FBXW8: variants seen among roughly 807,000 people sequenced by gnomAD.
FBXW8 encodes F-box and WD repeat domain containing 8, also known as F-box/WD repeat-containing protein 8.
A neutral mutation model predicts 65.3 loss-of-function variants in FBXW8; 57 were observed. The observed-to-expected ratio is 0.87, with a 90% CI of 0.71 to 1.09. FBXW8 has a LOEUF of 1.09. FBXW8 is among the 50% of genes least tolerant of loss of function. The pLI, the probability that FBXW8 is intolerant of heterozygous loss-of-function variation, is 0.00. For missense variants in FBXW8, 777 were observed against 814.8 expected (o/e 0.95, Z 0.57); for synonymous variants, 308 against 330.2 (o/e 0.93, Z 0.73).
intron 5 of FBXW8, among the ~76,000 whole-genome samples, chr12:116,972,018 G>T (rs1394189319): frequency 2.0e-5 from 3 of 152,218 alleles, no homozygotes; most frequent in African/African-American, 7.2e-5. Context: ...GAAGTTACTA[G>T]TGAAAGTAAA....
At chr12:117,024,777 C>T (rs60940473) in intron 9 of FBXW8, among the ~76,000 whole-genome samples, 24,695 of 152,004 alleles carry the variant, frequency 0.16, 2,305 homozygotes, top group African/African-American at 0.26. Context: ...CACTCGAGTC[C>T]GTCATGTGTA....
At chr12:116,913,054 G>A (rs1238879585) in intron 1 of FBXW8, among the ~76,000 whole-genome samples, 1 of 152,122 alleles carries the variant, frequency 6.6e-6, no homozygotes, top group Non-Finnish European at 1.5e-5. Context: ...GTTTCACCAC[G>A]TGAACTTGAG....
chr12:116,964,569 G>A (rs1884192539), intron 4 of FBXW8, 128 bp from the exon 5 acceptor site: 2 of 1,000,994 alleles, frequency 2.0e-6, no homozygotes, highest in Admixed American at 1.9e-5. Flanking sequence ...CATCTAAACA[G>A]TGCCTCAGCA....
intron 2 of FBXW8, among the ~76,000 whole-genome samples, chr12:116,933,628 A>G (rs958110851): frequency 6.6e-6 from 1 of 152,240 alleles, no homozygotes; most frequent in Non-Finnish European, 1.5e-5. Context: ...TAGAGCACAT[A>G]TATAAGAATA....
At chr12:116,994,145 TG>T (rs1413133581) in intron 7 of FBXW8, among the ~76,000 whole-genome samples, 2 of 152,218 alleles carry the variant, frequency 1.3e-5, no homozygotes, top group African/African-American at 4.8e-5. Flanking sequence ...AAAAACAGCA[TG>T]GTACTGGTGG....
chr12:116,915,194 A>G (rs1455093326), intron 1 of FBXW8, among the ~76,000 whole-genome samples: 2 of 152,240 alleles, frequency 1.3e-5, no homozygotes, highest in African/African-American at 4.8e-5. Flanking sequence ...GGGCTAAGGC[A>G]GGTAATGCAC....
intron 7 of FBXW8, among the ~76,000 whole-genome samples, chr12:116,992,345 G>A (rs978544779): frequency 1.3e-5 from 2 of 151,794 alleles, no homozygotes; most frequent in Non-Finnish European, 2.9e-5. Context: ...TTTGCCAGCA[G>A]TGTTATGGGC....
chr12:116,928,093 A>G lies in FBXW8; in HGVS notation c.389A>G (p.Tyr130Cys), dbSNP rs111466325. 6.2e-7 allele frequency: 1 copy of G among 1,611,884 alleles called. No individual in the cohort carries two copies. The highest frequency in any genetic ancestry group is 8.5e-7 in the Non-Finnish European group (1 of 1,178,996). ...GAATTGGCAATCAATATATTTCAGT[A>G]TCTGGACAGGAAAGAACTAGGAAGA... ...PYELAINIFQ[Y>C]LDRKELGRCA... The change falls in exon 2 of 11, where the codon TAT (tyrosine) becomes TGT (cysteine). Residue 130 changes from tyrosine to cysteine, a missense_variant. Coordinates refer to ENST00000652555, the MANE Select transcript of FBXW8 (RefSeq NM_153348.3).
At chr12:116,946,331 C>T (rs907149382) in intron 3 of FBXW8, among the ~76,000 whole-genome samples, 3 of 152,168 alleles carry the variant, frequency 2.0e-5, no homozygotes, top group Non-Finnish European at 2.9e-5. Context: ...GTGACCAATA[C>T]GCTTGATCTG....
In FBXW8 at chr12:116,988,857, C is replaced by T. The variant is rs373653320; in HGVS notation, c.1227C>T (p.Tyr409=). 224 of 1,613,524 alleles carry T rather than the reference C, an allele frequency of 1.4e-4. 1 individual carries two copies. Among genetic ancestry groups the T allele is most frequent in the Admixed American group, 3.0e-4 (18 of 59,960 alleles). ...GTGTACAGGGTCTGGGATGGGTGTA[C>T]GAAGGAAGCAAGGTACACAACTAGC... ...AFGVQGLGWV[Y]EGSKILVYSL... The change falls in exon 7 of 11, where the codon TAC becomes TAT. Residue 409 remains tyrosine (Y), a synonymous_variant. Coordinates refer to ENST00000652555, the MANE Select transcript of FBXW8 (RefSeq NM_153348.3).
chr12:116,992,404 T>C (rs1045581996), intron 7 of FBXW8, among the ~76,000 whole-genome samples: 4 of 151,296 alleles, frequency 2.6e-5, no homozygotes, highest in Admixed American at 2.0e-4. Flanking sequence ...TTGCCCTTTT[T>C]TTTTTGAAGA....
At chr12:116,937,732 T>TCCTC (rs113435055) in intron 2 of FBXW8, among the ~76,000 whole-genome samples, 10,830 of 151,966 alleles carry the variant, frequency 0.071, 1,002 homozygotes, top group African/African-American at 0.22. Context: ...ATGTGGTGTG[T>TCCTC]CCTCCCACAG....
At chr12:116,924,096 C>T (rs1203917423) in intron 1 of FBXW8, among the ~76,000 whole-genome samples, 1 of 151,824 alleles carries the variant, frequency 6.6e-6, no homozygotes, top group African/African-American at 2.4e-5. Context: ...TTTCTAATGT[C>T]TTTAATTCCT....
In FBXW8 at chr12:116,936,354, A is replaced by G. The variant is rs114462290; in HGVS notation, c.423+8227A>G. Among the ~76,000 whole-genome samples, 157 of 152,308 alleles carry G rather than the reference A, an allele frequency of 1.0e-3. No individual in the cohort carries two copies. Among genetic ancestry groups the G allele is most frequent in the African/African-American group, 3.5e-3 (146 of 41,566 alleles). Reference sequence around the variant, plus strand: ...CGTACGCTGAATAATGGCCCTCCCAAATATGCTGACGTCCTAATCCCTGAA... The same window carrying G: ...CGTACGCTGAATAATGGCCCTCCCAGATATGCTGACGTCCTAATCCCTGAA... On this transcript the variant is annotated intron_variant, in intron 2 of 10. Coordinates refer to ENST00000652555, the MANE Select transcript of FBXW8 (RefSeq NM_153348.3). This position sits in a 1 kb window ranked among gnomAD's most constrained non-coding sequence, Gnocchi z 4.6.
At chr12:116,933,270 A>T (rs539029177) in intron 2 of FBXW8, among the ~76,000 whole-genome samples, 3 of 152,380 alleles carry the variant, frequency 2.0e-5, no homozygotes, top group South Asian at 4.1e-4. Context: ...CAAAGTCAGC[A>T]TTAGATGATA....
intron 5 of FBXW8, chr12:116,978,461 C>G (rs1197136286): frequency 6.6e-6 from 1 of 152,142 alleles, no homozygotes; most frequent in Non-Finnish European, 1.5e-5. Context: ...TCTTTTGACT[C>G]CTGATTAATT....
At chr12:116,948,193 A>G (rs1883054541) in intron 3 of FBXW8, among the ~76,000 whole-genome samples, 1 of 152,158 alleles carries the variant, frequency 6.6e-6, no homozygotes, top group Non-Finnish European at 1.5e-5. Context: ...TGGTGGCCAT[A>G]GTGTTTTTTT....
chr12:117,005,486 T>A (rs1953653540), intron 7 of FBXW8, among the ~76,000 whole-genome samples: 1 of 152,224 alleles, frequency 6.6e-6, no homozygotes, highest in Non-Finnish European at 1.5e-5. Context: ...TGTGATGCGG[T>A]GTGGTGCTTG....
At chr12:116,964,586 C>G in intron 4 of FBXW8, 111 bp from the exon 5 acceptor site, 3 of 1,315,958 alleles carry the variant, frequency 2.3e-6, no homozygotes, top group Non-Finnish European at 3.2e-6. Flanking sequence ...AGCAGTGGCT[C>G]TACACCACCC....
Sources: allele counts gnomAD v4.1 joint callset (sites outside exome capture counted in the v4.1 genomes callset), GRCh38; gene constraint gnomAD v4.1.1; non-coding constraint Gnocchi (gnomAD v3.1); transcripts MANE v1.5; gene names NCBI Gene and HGNC (gene_info 2026-07-23, HGNC 2026-07-21).